Variants in ARHGAP26 observed in about 807,000 individuals in gnomAD.
ARHGAP26 encodes rho GTPase-activating protein 26.
ARHGAP26 carries 38 observed loss-of-function variants against 104.8 expected under a neutral mutation model. The observed-to-expected ratio is 0.36, with a 90% CI of 0.28 to 0.48. ARHGAP26 has a LOEUF of 0.48. ARHGAP26 is among the 20% of genes least tolerant of loss of function. The pLI, the probability that ARHGAP26 is intolerant of heterozygous loss-of-function variation, is 0.99. For missense variants in ARHGAP26, 704 were observed against 947.9 expected (o/e 0.74, Z 3.38); for synonymous variants, 341 against 340.0 (o/e 1.00, Z -0.03).
chr5:143,147,054 C>T (rs1799249996), intron 19 of ARHGAP26, among the ~76,000 whole-genome samples, 177 bp from the exon 20 acceptor site: 1 of 152,156 alleles, frequency 6.6e-6, no homozygotes, highest in African/African-American at 2.4e-5. Context: ...TCACCTGTTC[C>T]CCCTTGACTC....
chr5:143,000,472 A>G (rs1231001201), intron 11 of ARHGAP26, among the ~76,000 whole-genome samples: 1 of 152,268 alleles, frequency 6.6e-6, no homozygotes, highest in African/African-American at 2.4e-5. Flanking sequence ...TCACACCACA[A>G]CATGGATGAA....
rs1398684623 is a variant in ARHGAP26 at position 142,992,494 on chromosome 5, C to T, written c.1108-21586C>T. 2.0e-5 allele frequency among the ~76,000 whole-genome samples: 3 copies of T among 150,616 alleles called. No homozygotes were observed. In the East Asian group the frequency reaches 5.8e-4, roughly 29 times the overall value. On this transcript the variant is annotated intron_variant, in intron 11 of 22. Transcript: ENST00000645722. The stretch of plus-strand genomic sequence containing the variant: ...TGTCACCTAGGCTGGAGTGCAGTGG[C>T]GTAATCTCTGCTCACTGCAACCTCC...
At chr5:142,894,179 C>A in intron 5 of ARHGAP26, 59 bp from the exon 6 acceptor site, 1 of 1,420,010 alleles carries the variant, frequency 7.0e-7, no homozygotes. Flanking sequence ...GACCTGCTTT[C>A]GGAATGCTAT....
chr5:143,177,986 C>CT (rs1803731698), intron 20 of ARHGAP26, among the ~76,000 whole-genome samples: 1 of 118,378 alleles, frequency 8.4e-6, no homozygotes, highest in African/African-American at 3.3e-5. Context: ...GTGTGGCAGT[C>CT]CTTTTTTTTT....
chr5:142,950,999 CT>C (rs1562140689), intron 11 of ARHGAP26, among the ~76,000 whole-genome samples: 62 of 5,722 alleles, frequency 0.011, no homozygotes, highest in African/African-American at 0.029. Context: ...CTTTCCCTTT[CT>C]CTTTCCCTTT....
rs561838062 is a variant in ARHGAP26 at position 143,049,207 on chromosome 5, C to T, written c.1286-5232C>T. Among the ~76,000 whole-genome samples the T allele has an allele frequency of 1.7e-3, 258 of 152,236 alleles. 1 individual carries two copies. The highest frequency in any genetic ancestry group is 2.9e-3 in the Non-Finnish European group (195 of 68,010). On this transcript the variant is annotated intron_variant, in intron 14 of 22. Coordinates refer to ENST00000645722, the MANE Select transcript of ARHGAP26 (RefSeq NM_001135608.3). ...TCTGTAATTCTCAATCTTTTAAACA[C>T]ACCAACATTTTTCACCTTTTTAATG... is the stretch of plus-strand genomic sequence containing the variant.
chr5:142,933,708 C>A (rs1765039053), intron 11 of ARHGAP26, among the ~76,000 whole-genome samples: 1 of 152,138 alleles, frequency 6.6e-6, no homozygotes, highest in Non-Finnish European at 1.5e-5. Flanking sequence ...ACAGCCATAT[C>A]TACCTGCAAA....
chr5:143,141,993 G>A (rs560875904), intron 19 of ARHGAP26, among the ~76,000 whole-genome samples: 2 of 152,234 alleles, frequency 1.3e-5, no homozygotes, highest in African/African-American at 4.8e-5. Flanking sequence ...AAAGAAAAGG[G>A]TTATTACAGG....
chr5:142,878,906 G>A (rs184883657), intron 3 of ARHGAP26, among the ~76,000 whole-genome samples: 1 of 152,212 alleles, frequency 6.6e-6, no homozygotes, highest in African/African-American at 2.4e-5. Flanking sequence ...TCTTGGTAGA[G>A]CAACACAAAA....
chr5:143,103,891 A>G (rs1793624770), intron 17 of ARHGAP26, among the ~76,000 whole-genome samples: 1 of 152,110 alleles, frequency 6.6e-6, no homozygotes, highest in Non-Finnish European at 1.5e-5. Context: ...ATGTATACCT[A>G]TGTAACCAGC....
chr5:142,830,095 A>G (rs1049477873), intron 1 of ARHGAP26, among the ~76,000 whole-genome samples: 1 of 152,126 alleles, frequency 6.6e-6, no homozygotes, highest in African/African-American at 2.4e-5. Flanking sequence ...ATTTCCCTAG[A>G]ATGTTGGCCA....
chr5:142,869,911 T>C (rs1755025032), intron 1 of ARHGAP26, among the ~76,000 whole-genome samples: 1 of 152,162 alleles, frequency 6.6e-6, no homozygotes, highest in African/African-American at 2.4e-5. Context: ...AGGCCCAAAC[T>C]TCTAGCTGCT....
chr5:143,112,457 T>C (rs1794891506), intron 17 of ARHGAP26, among the ~76,000 whole-genome samples: 3 of 152,218 alleles, frequency 2.0e-5, no homozygotes, highest in Non-Finnish European at 1.5e-5. Flanking sequence ...AAAATATATT[T>C]TTGTTGTTAC....
chr5:143,180,537 A>G (rs1336450511), intron 20 of ARHGAP26, among the ~76,000 whole-genome samples: 1 of 152,200 alleles, frequency 6.6e-6, no homozygotes, highest in Non-Finnish European at 1.5e-5. Flanking sequence ...GGTGCTTTAT[A>G]AAGGAAAGAG....
At chr5:143,119,254 G>A (rs557700759) in intron 17 of ARHGAP26, among the ~76,000 whole-genome samples, 11 of 152,262 alleles carry the variant, frequency 7.2e-5, no homozygotes, top group African/African-American at 2.4e-4. Flanking sequence ...TTTTATATTG[G>A]TCTACAATTT....
At chr5:142,853,161 T>TAA (rs1751820400) in intron 1 of ARHGAP26, among the ~76,000 whole-genome samples, 2 of 152,158 alleles carry the variant, frequency 1.3e-5, no homozygotes, top group African/African-American at 4.8e-5. Flanking sequence ...CTTATCTTTA[T>TAA]GGTAGCTTAG....
chr5:143,184,935 C>T lies in ARHGAP26; in HGVS notation c.1989-22263C>T, dbSNP rs76784036. Among the ~76,000 whole-genome samples, 147 of 152,318 alleles carry T rather than the reference C, an allele frequency of 9.7e-4. 5 individuals carry two copies. In the East Asian group the frequency reaches 0.028, roughly 29 times the overall value. ...CTTATGATGGGCTTATATTTTGACT[C>T]AGCCACTGCACCCCTAGTATTTATC... On this transcript the variant is annotated intron_variant, in intron 20 of 22. Transcript: ENST00000645722.
intron 11 of ARHGAP26, among the ~76,000 whole-genome samples, chr5:142,972,078 A>G (rs547154537): frequency 6.6e-6 from 1 of 152,010 alleles, no homozygotes; most frequent in Admixed American, 6.5e-5. Flanking sequence ...GCTACTCGGG[A>G]GGCTGGGGCA....
At position 142,949,206 on chromosome 5, in the gene ARHGAP26, A is replaced by AG. The variant is rs1384997365; in HGVS notation, c.1107+17082dup. 2.3e-3 allele frequency among the ~76,000 whole-genome samples: 124 copies of AG among 53,152 alleles called. 6 individuals are homozygous for AG. Among genetic ancestry groups the AG allele is most frequent in the African/African-American group, 9.6e-3 (57 of 5,964 alleles). The allele number at this position is 53,152 out of a possible 152,430, so 34.9% of individuals were successfully genotyped here. On this transcript the variant is annotated intron_variant, in intron 11 of 22. Transcript: ENST00000645722. Reference sequence around the variant, plus strand: ...GAGAGAGAGAGAGAGAGAGAGAGAGAGAGAGAGAGAGAGAGGAGAGAGAGA... The same window carrying AG: ...GAGAGAGAGAGAGAGAGAGAGAGAGAGGAGAGAGAGAGAGAGGAGAGAGAGA...
Sources: allele counts gnomAD v4.1 joint callset (sites outside exome capture counted in the v4.1 genomes callset), GRCh38; gene constraint gnomAD v4.1.1; transcripts MANE v1.5; gene names NCBI Gene and HGNC (gene_info 2026-07-23, HGNC 2026-07-21).